The following WWC2 variants were observed in gnomAD, a reference collection of about 807,000 sequenced individuals.
The protein encoded by WWC2 is WW and C2 domain containing 2, also known as protein WWC2.
In WWC2, 101 loss-of-function variants were observed where a neutral mutation model predicts 138.5. That is an observed-to-expected ratio of 0.73 (90% CI 0.62 to 0.86). The LOEUF (loss-of-function observed/expected upper bound fraction) is 0.86, where lower values mean the gene tolerates loss of function less well. Among genes scored for constraint, WWC2 ranks in the 40% least tolerant of loss-of-function variants. The pLI, the probability that WWC2 is intolerant of heterozygous loss-of-function variation, is 0.00. For missense variants in WWC2, 1,420 were observed against 1,419.4 expected (o/e 1.00, Z -0.01); for synonymous variants, 558 against 538.4 (o/e 1.04, Z -0.50).
chr4:183,185,532 G>C (rs928954822), intron 1 of WWC2, among the ~76,000 whole-genome samples: 2 of 152,218 alleles, frequency 1.3e-5, no homozygotes, highest in South Asian at 2.1e-4. Flanking sequence ...ACATACCCAT[G>C]ATGTATATTT....
chr4:183,119,487 T>C (rs868647368), intron 1 of WWC2, among the ~76,000 whole-genome samples: 1 of 152,174 alleles, frequency 6.6e-6, no homozygotes, highest in Middle Eastern at 3.2e-3. Flanking sequence ...GAAGAAACCA[T>C]GACTTGCTTC....
chr4:183,302,523 C>G (rs1438306021), intron 21 of WWC2, among the ~76,000 whole-genome samples: 1 of 152,198 alleles, frequency 6.6e-6, no homozygotes, highest in Non-Finnish European at 1.5e-5. Flanking sequence ...ACGTCGATCT[C>G]TCTCTCTCTC....
At chr4:183,169,720 T>C (rs1245526242) in intron 1 of WWC2, among the ~76,000 whole-genome samples, 1 of 152,186 alleles carries the variant, frequency 6.6e-6, no homozygotes, top group Non-Finnish European at 1.5e-5. Context: ...ATATAGTATA[T>C]ATGTTAAAGG....
chr4:183,140,744 A>G (rs1284361811), intron 1 of WWC2, among the ~76,000 whole-genome samples: 1 of 152,198 alleles, frequency 6.6e-6, no homozygotes, highest in Non-Finnish European at 1.5e-5. Flanking sequence ...GGAAAAATTC[A>G]TTTACCTTCT....
rs73872303 is a variant in WWC2, at chr4:183,254,517, T to C, written c.1196+518T>C. On this transcript the variant is annotated intron_variant, in intron 9 of 22. Coordinates refer to ENST00000403733, the MANE Select transcript of WWC2 (RefSeq NM_024949.6). ...CAGGTGAAACTGTAAAGGAAAATACTCTAGGCAATTTTCCCATCTTTCTCT... is the reference window on the plus strand; with the variant it reads ...CAGGTGAAACTGTAAAGGAAAATACCCTAGGCAATTTTCCCATCTTTCTCT... Among the ~76,000 whole-genome samples the C allele has an allele frequency of 2.2e-3, 342 of 152,342 alleles. 2 individuals carry two copies. The highest frequency in any genetic ancestry group is 7.8e-3 in the African/African-American group (324 of 41,590).
At chr4:183,286,527 G>T (rs1392183441) in intron 20 of WWC2, among the ~76,000 whole-genome samples, 4 of 152,078 alleles carry the variant, frequency 2.6e-5, no homozygotes, top group Non-Finnish European at 5.9e-5. Context: ...CATGTGGGTG[G>T]GCAGCTCGGG....
chr4:183,311,149 G>T (rs1017516796), intron 21 of WWC2, among the ~76,000 whole-genome samples: 5 of 152,078 alleles, frequency 3.3e-5, no homozygotes, highest in African/African-American at 1.2e-4. Flanking sequence ...TATTGATTGG[G>T]TGAATGAATA....
intron 2 of WWC2, among the ~76,000 whole-genome samples, chr4:183,200,285 C>A (rs567397268): frequency 2.0e-5 from 3 of 152,004 alleles, no homozygotes; most frequent in Non-Finnish European, 4.4e-5. Context: ...TTGAAATATA[C>A]CGTGTCCCCA....
chr4:183,131,492 C>T lies in WWC2; in HGVS notation c.131+31870C>T, dbSNP rs990154933. On this transcript the variant is annotated intron_variant, in intron 1 of 22. Coordinates refer to ENST00000403733, the MANE Select transcript of WWC2 (RefSeq NM_024949.6). ...TTCGTTTACCTTTTCTTTGAAATTC[C>T]TAGATGGGGTTTTTGTTTTTTCTTG... is the stretch of plus-strand genomic sequence containing the variant. Among the ~76,000 whole-genome samples the T allele has an allele frequency of 4.6e-5, 7 of 152,032 alleles. 1 individual carries two copies. The highest frequency in any genetic ancestry group is 7.4e-5 in the Non-Finnish European group (5 of 67,982).
chr4:183,175,211 C>T (rs567237925), intron 1 of WWC2, among the ~76,000 whole-genome samples: 2 of 152,242 alleles, frequency 1.3e-5, no homozygotes, highest in South Asian at 4.2e-4. Flanking sequence ...CTAACATCAT[C>T]TGACATCTAG....
chr4:183,189,072 C>T (rs1467341653), intron 1 of WWC2, among the ~76,000 whole-genome samples: 1 of 152,068 alleles, frequency 6.6e-6, no homozygotes, highest in Non-Finnish European at 1.5e-5. Flanking sequence ...TTGTTGCCTC[C>T]ATCCACTGTT....
chr4:183,116,635 T>C (rs1461540894), intron 1 of WWC2, among the ~76,000 whole-genome samples: 1 of 152,242 alleles, frequency 6.6e-6, no homozygotes, highest in East Asian at 1.9e-4. Context: ...AGGATTTAGC[T>C]GAAGTTTCAT....
Position 183,219,485 on chromosome 4 carries a change from A to G in WWC2, c.522+10460A>G, listed in dbSNP as rs563346266. Among the ~76,000 whole-genome samples the G allele has an allele frequency of 6.6e-5, 10 of 152,338 alleles. No homozygotes were observed. The East Asian group carries it at 1.9e-3, about 29-fold the overall frequency. On this transcript the variant is annotated intron_variant, in intron 4 of 22. Transcript: ENST00000403733. ...TCTAAATAAAATAATGAAAAATGTT[A>G]GAGATGATACATATTCAAATACAAG...
intron 21 of WWC2, among the ~76,000 whole-genome samples, chr4:183,302,644 C>T (rs1439638358): frequency 4.6e-5 from 7 of 152,246 alleles, no homozygotes; most frequent in East Asian, 3.9e-4. Flanking sequence ...ACCCTGTATT[C>T]GCAGCAGAGA....
chr4:183,240,111 A>G, intron 4 of WWC2, 72 bp from the exon 5 acceptor site: 1 of 1,090,596 alleles, frequency 9.2e-7, no homozygotes. Context: ...CTAATTTATT[A>G]TCTTTTAAAA....
At chr4:183,153,344 C>T (rs1733699474) in intron 1 of WWC2, among the ~76,000 whole-genome samples, 1 of 152,152 alleles carries the variant, frequency 6.6e-6, no homozygotes, top group East Asian at 1.9e-4. Context: ...GCTTCAAAGC[C>T]TAGACTTAGT....
At chr4:183,117,215 C>CTTTTTTTT (rs923478529) in intron 1 of WWC2, among the ~76,000 whole-genome samples, 19 of 95,660 alleles carry the variant, frequency 2.0e-4, no homozygotes, top group South Asian at 4.0e-4. Context: ...CATTCTTCTT[C>CTTTTTTTT]TTTTTTTTTT....
At chr4:183,149,668 C>T (rs1235417194) in intron 1 of WWC2, among the ~76,000 whole-genome samples, 1 of 146,976 alleles carries the variant, frequency 6.8e-6, no homozygotes, top group South Asian at 2.1e-4. Flanking sequence ...TATAGCTTCT[C>T]TCTTTTTTTT....
chr4:183,165,410 G>A (rs1335393269), intron 1 of WWC2, among the ~76,000 whole-genome samples: 1 of 152,156 alleles, frequency 6.6e-6, no homozygotes, highest in Non-Finnish European at 1.5e-5. Flanking sequence ...CAGGTGCTAG[G>A]CTTGAGAAGC....
Sources: allele counts gnomAD v4.1 joint callset (sites outside exome capture counted in the v4.1 genomes callset), GRCh38; gene constraint gnomAD v4.1.1; transcripts MANE v1.5; gene names NCBI Gene and HGNC (gene_info 2026-07-23, HGNC 2026-07-21).